The following CAMK4 variants were observed in gnomAD, a reference collection of about 807,000 sequenced individuals.
The protein encoded by CAMK4 is calcium/calmodulin dependent protein kinase IV, also known as calcium/calmodulin-dependent protein kinase type IV.
Under a neutral mutation model 44.9 loss-of-function variants are expected in CAMK4, and 22 were observed. The observed-to-expected ratio is 0.49, with a 90% CI of 0.35 to 0.70. The LOEUF is 0.70. CAMK4 is among the 30% of genes least tolerant of loss of function. CAMK4 has a pLI of 0.01. For synonymous variants in CAMK4, 218 were observed against 215.4 expected (o/e 1.01, Z -0.11); for missense variants, 498 against 586.8 (o/e 0.85, Z 1.56).
intron 7 of CAMK4, among the ~76,000 whole-genome samples, chr5:111,462,513 A>G (rs1203021510): frequency 6.6e-6 from 1 of 152,200 alleles, no homozygotes; most frequent in Non-Finnish European, 1.5e-5. Flanking sequence ...GAGTGAATGA[A>G]CCTGTTGATT....
rs562791373 is a variant in CAMK4, at chr5:111,427,703, G to A, written c.460-18983G>A. ...AAGGACTGTGTCTTGTGGTTTGAGT[G>A]CCAGCTCAGCTGCAATACAACAGAA... On this transcript the variant is annotated intron_variant, in intron 5 of 10. Coordinates refer to ENST00000282356, the MANE Select transcript of CAMK4 (RefSeq NM_001744.6). 3.9e-5 allele frequency among the ~76,000 whole-genome samples: 6 copies of A among 152,260 alleles called. No homozygotes were observed. The South Asian group carries it at 1.0e-3, about 26-fold the overall frequency.
intron 4 of CAMK4, among the ~76,000 whole-genome samples, chr5:111,393,720 G>T (rs575903296): frequency 6.6e-6 from 1 of 152,206 alleles, no homozygotes; most frequent in Admixed American, 6.5e-5. Context: ...TAAGAGGGTG[G>T]AGGTTGGGAG....
At chr5:111,341,536 T>C (rs1044641265) in intron 1 of CAMK4, among the ~76,000 whole-genome samples, 2 of 151,088 alleles carry the variant, frequency 1.3e-5, no homozygotes, top group Admixed American at 1.3e-4. Context: ...TATTTTTGGA[T>C]CCTTTTTTAA....
intron 7 of CAMK4, among the ~76,000 whole-genome samples, chr5:111,472,838 A>G (rs560368120): frequency 1.7e-4 from 26 of 152,030 alleles, no homozygotes; most frequent in Non-Finnish European, 2.9e-5. Flanking sequence ...AACCCTCCTC[A>G]CCACCTACAC....
chr5:111,465,178 G>T (rs373055220), intron 7 of CAMK4, among the ~76,000 whole-genome samples: 2 of 151,638 alleles, frequency 1.3e-5, no homozygotes. Context: ...GTTGCCTAAG[G>T]ATCACTCCGG....
At chr5:111,317,983 A>G (rs1748504732) in intron 1 of CAMK4, among the ~76,000 whole-genome samples, 1 of 150,020 alleles carries the variant, frequency 6.7e-6, no homozygotes, top group Non-Finnish European at 1.5e-5. Flanking sequence ...TTAGGTTGCT[A>G]AAAAAGAAAA....
At chr5:111,308,899 T>A (rs1748076452) in intron 1 of CAMK4, among the ~76,000 whole-genome samples, 1 of 152,202 alleles carries the variant, frequency 6.6e-6, no homozygotes, top group South Asian at 2.1e-4. Flanking sequence ...ATAATTAACC[T>A]TCTATTTGCC....
intron 5 of CAMK4, among the ~76,000 whole-genome samples, chr5:111,443,293 C>T (rs1315294539): frequency 1.4e-3 from 186 of 134,470 alleles, no homozygotes; most frequent in Admixed American, 3.5e-3. Flanking sequence ...CACACACACA[C>T]ACACACACAC....
chr5:111,272,208 A>G (rs1210165730), intron 1 of CAMK4, among the ~76,000 whole-genome samples: 1 of 152,010 alleles, frequency 6.6e-6, no homozygotes, highest in Non-Finnish European at 1.5e-5. Flanking sequence ...TTTTTGTTCC[A>G]ACTTATGATT....
At chr5:111,328,381 G>A (rs1243984283) in intron 1 of CAMK4, among the ~76,000 whole-genome samples, 1 of 151,542 alleles carries the variant, frequency 6.6e-6, no homozygotes, top group Non-Finnish European at 1.5e-5. Context: ...TCTCTGTTTT[G>A]GTACCAGTAC....
At chr5:111,235,047 T>A (rs1324860314) in intron 1 of CAMK4, among the ~76,000 whole-genome samples, 1 of 152,244 alleles carries the variant, frequency 6.6e-6, no homozygotes, top group East Asian at 1.9e-4. Flanking sequence ...CTTTATGGAC[T>A]GTTTAATAGA....
intron 2 of CAMK4, among the ~76,000 whole-genome samples, chr5:111,363,283 G>A (rs1392575886): frequency 6.6e-6 from 1 of 152,062 alleles, no homozygotes; most frequent in Non-Finnish European, 1.5e-5. Context: ...GGCAGGATGA[G>A]AACTGACCAA....
chr5:111,350,762 A>G (rs1269340057), intron 2 of CAMK4, among the ~76,000 whole-genome samples: 4 of 152,060 alleles, frequency 2.6e-5, no homozygotes, highest in East Asian at 1.9e-4. Context: ...TTTTCCATAA[A>G]TGTTGGTTTG....
chr5:111,473,595 G>C (rs1394167753), intron 8 of CAMK4, among the ~76,000 whole-genome samples: 1 of 152,084 alleles, frequency 6.6e-6, no homozygotes, highest in African/African-American at 2.4e-5. Flanking sequence ...TTCTTGTCCA[G>C]GGCTTTCCTA....
At chr5:111,388,445 A>G (rs1238476504) in intron 4 of CAMK4, among the ~76,000 whole-genome samples, 1 of 152,124 alleles carries the variant, frequency 6.6e-6, no homozygotes, top group Non-Finnish European at 1.5e-5. Flanking sequence ...GTGGATGAAT[A>G]TCACCACTTT....
At chr5:111,253,071 G>T (rs552738606) in intron 1 of CAMK4, among the ~76,000 whole-genome samples, 7 of 152,266 alleles carry the variant, frequency 4.6e-5, no homozygotes, top group African/African-American at 1.7e-4. Flanking sequence ...TTTCTTGTAG[G>T]TTACTTGGCT....
chr5:111,393,908 G>T (rs775596353), intron 4 of CAMK4, among the ~76,000 whole-genome samples: 9 of 147,910 alleles, frequency 6.1e-5, no homozygotes, highest in Non-Finnish European at 1.2e-4. Context: ...ACATTACCAA[G>T]CAGGGAAACT....
chr5:111,412,652 G>C (rs1045836075), intron 5 of CAMK4, among the ~76,000 whole-genome samples: 3 of 152,172 alleles, frequency 2.0e-5, no homozygotes, highest in African/African-American at 4.8e-5. Context: ...TAATATATAA[G>C]TAAGGTAGAA....
At chr5:111,234,379 G>A (rs988539140) in intron 1 of CAMK4, among the ~76,000 whole-genome samples, 7 of 152,098 alleles carry the variant, frequency 4.6e-5, no homozygotes, top group Admixed American at 3.9e-4. Context: ...TCACATAGAA[G>A]AAAACAGAAT....
Sources: allele counts gnomAD v4.1 joint callset (sites outside exome capture counted in the v4.1 genomes callset), GRCh38; gene constraint gnomAD v4.1.1; transcripts MANE v1.5; gene names NCBI Gene and HGNC (gene_info 2026-07-23, HGNC 2026-07-21).